Variants in PPM1E observed in about 807,000 individuals in gnomAD.
The protein encoded by PPM1E is protein phosphatase 1E.
In PPM1E, 20 loss-of-function variants were observed where a neutral mutation model predicts 65.9. The observed-to-expected ratio is 0.30, with a 90% CI of 0.21 to 0.44. PPM1E has a LOEUF of 0.44. Among genes scored for constraint, PPM1E ranks in the 20% least tolerant of loss-of-function variants. The probability of loss-of-function intolerance (pLI) is 1.00; values close to 1 mark genes in which losing one functional copy is unlikely to be tolerated. For missense variants in PPM1E, 713 were observed against 953.1 expected, an observed-to-expected ratio of 0.75 and a Z score of 3.32; for synonymous variants, 352 against 374.9, an observed-to-expected ratio of 0.94 and a Z score of 0.70.
At chr17:58,919,160 T>C (rs374285545) in intron 1 of PPM1E, among the ~76,000 whole-genome samples, 1 of 152,170 alleles carries the variant, frequency 6.6e-6, no homozygotes. Context: ...AAAGGTTTTA[T>C]GGCTCTCAGA....
chr17:58,874,406 C>A (rs368954909), intron 1 of PPM1E, among the ~76,000 whole-genome samples: 1 of 151,978 alleles, frequency 6.6e-6, no homozygotes, highest in African/African-American at 2.4e-5. Context: ...TACTGAAGAA[C>A]AAATAAAAAT....
At chr17:58,760,023 A>G (rs1223229789) in intron 1 of PPM1E, among the ~76,000 whole-genome samples, 2 of 152,264 alleles carry the variant, frequency 1.3e-5, no homozygotes, top group African/African-American at 4.8e-5. Context: ...GAACATTCAC[A>G]TAAGCAAAAA....
intron 1 of PPM1E, among the ~76,000 whole-genome samples, chr17:58,774,889 TGTCTCCAGGCTGGAGTGCAGTGGC>T (rs2049978532): frequency 6.6e-6 from 1 of 151,860 alleles, no homozygotes; most frequent in Non-Finnish European, 1.5e-5. Context: ...AGTCTTCCTC[TGTCTCCAGGCTGGAGTGCAGTGGC>T]GTGATCTCGG....
At chr17:58,868,150 C>T (rs1397236193) in intron 1 of PPM1E, among the ~76,000 whole-genome samples, 1 of 151,956 alleles carries the variant, frequency 6.6e-6, no homozygotes, top group Non-Finnish European at 1.5e-5. Context: ...GGCAGCAAGG[C>T]AAAACCCTGT....
intron 1 of PPM1E, among the ~76,000 whole-genome samples, chr17:58,949,964 G>A (rs759224150): frequency 3.3e-5 from 5 of 152,140 alleles, no homozygotes; most frequent in South Asian, 2.1e-4. Context: ...AGTTTCTGCT[G>A]AGAAAGCTGC....
chr17:58,891,960 C>T (rs2143434583), intron 1 of PPM1E, among the ~76,000 whole-genome samples: 1 of 151,472 alleles, frequency 6.6e-6, no homozygotes, highest in African/African-American at 2.4e-5. Context: ...CTCAGCCACC[C>T]AAATAGCTGG....
At chr17:58,765,525 T>C (rs1167205691) in intron 1 of PPM1E, among the ~76,000 whole-genome samples, 1 of 152,108 alleles carries the variant, frequency 6.6e-6, no homozygotes, top group African/African-American at 2.4e-5. Context: ...TTTGAGAATA[T>C]TGTGAACAAT....
At chr17:58,770,068 T>C (rs2049921447) in intron 1 of PPM1E, among the ~76,000 whole-genome samples, 1 of 151,930 alleles carries the variant, frequency 6.6e-6, no homozygotes, top group South Asian at 2.1e-4. Context: ...GGATTATAAA[T>C]TGACATAAAA....
intron 1 of PPM1E, among the ~76,000 whole-genome samples, chr17:58,816,624 G>C (rs1169269960): frequency 6.7e-6 from 1 of 149,682 alleles, no homozygotes; most frequent in Non-Finnish European, 1.5e-5. Context: ...GCCTATTTTT[G>C]GTCTAGGTAC....
intron 2 of PPM1E, among the ~76,000 whole-genome samples, chr17:58,964,091 C>G (rs1204680432): frequency 6.6e-6 from 1 of 152,130 alleles, no homozygotes; most frequent in African/African-American, 2.4e-5. Context: ...AGTTGGGAGT[C>G]CACGTCCCAG....
chr17:58,942,980 GC>G (rs2143607655), intron 1 of PPM1E, among the ~76,000 whole-genome samples: 1 of 151,986 alleles, frequency 6.6e-6, no homozygotes, highest in East Asian at 1.9e-4. Flanking sequence ...CTATGATTGT[GC>G]CACTGCACTC....
intron 1 of PPM1E, among the ~76,000 whole-genome samples, chr17:58,902,326 C>T (rs1368677120): frequency 2.7e-5 from 4 of 149,822 alleles, no homozygotes; most frequent in Non-Finnish European, 5.9e-5. Flanking sequence ...TATAGATCTT[C>T]GTGGGGGAAA....
intron 1 of PPM1E, among the ~76,000 whole-genome samples, chr17:58,848,021 T>G (rs187667783): frequency 7.2e-5 from 11 of 152,312 alleles, no homozygotes; most frequent in Non-Finnish European, 1.6e-4. Flanking sequence ...TTTTTTATTC[T>G]CTTTGAAGCA....
At chr17:58,850,658 A>T (rs2050817863) in intron 1 of PPM1E, among the ~76,000 whole-genome samples, 2 of 152,154 alleles carry the variant, frequency 1.3e-5, no homozygotes, top group East Asian at 3.8e-4. Flanking sequence ...TATTAGTCTG[A>T]TGGGCTTCCC....
Position 58,983,661 on chromosome 17 carries a change from G to A in PPM1E, c.*2630G>A, listed in dbSNP as rs751653993. Reference sequence around the variant, plus strand: ...ATAATATCTATAAACTGTTAATGCTGAGGTATAGTCTGTGAATTATGTGTT... The same window carrying A: ...ATAATATCTATAAACTGTTAATGCTAAGGTATAGTCTGTGAATTATGTGTT... On this transcript the variant is annotated 3_prime_UTR_variant, in exon 7 of 7. Transcript: ENST00000308249. The A allele has an allele frequency of 2.6e-5, 4 of 152,606 alleles. No homozygotes were observed. The highest frequency in any genetic ancestry group is 5.9e-5 in the Non-Finnish European group (4 of 68,038). 9.5% of individuals were successfully genotyped at this position (152,606 alleles called of 1,614,324 possible). A position where few individuals can be genotyped will look rare whatever the true frequency, so the allele number is the denominator to read the frequency against.
chr17:58,827,135 C>CTT (rs34789176), intron 1 of PPM1E, among the ~76,000 whole-genome samples: 13 of 104,252 alleles, frequency 1.2e-4, no homozygotes, highest in East Asian at 2.6e-4. Context: ...AGTCCATGAT[C>CTT]TTTTTTTTTT....
intron 1 of PPM1E, among the ~76,000 whole-genome samples, chr17:58,883,726 C>T (rs1045733204): frequency 5.3e-5 from 8 of 151,560 alleles, no homozygotes; most frequent in Non-Finnish European, 8.8e-5. Context: ...ACCTCGTGAT[C>T]CGCCCGCCTC....
chr17:58,864,956 A>ATAATC (rs970392435), intron 1 of PPM1E, among the ~76,000 whole-genome samples: 2 of 152,186 alleles, frequency 1.3e-5, no homozygotes, highest in African/African-American at 4.8e-5. Context: ...AACAAAAAAG[A>ATAATC]TAATCTAGCA....
At chr17:58,848,421 G>A (rs1300411413) in intron 1 of PPM1E, among the ~76,000 whole-genome samples, 2 of 152,092 alleles carry the variant, frequency 1.3e-5, no homozygotes, top group South Asian at 2.1e-4. Flanking sequence ...GTCATAAATA[G>A]CTCTTATTAT....
Sources: gnomAD v4.1 joint callset for allele counts (sites outside exome capture counted in the v4.1 genomes callset) on GRCh38, gnomAD v4.1.1 for gene constraint, MANE v1.5 for transcripts, NCBI Gene and HGNC (gene_info 2026-07-23, HGNC 2026-07-21) for gene names.